The following GABRG3 variants were observed in gnomAD, a reference collection of about 807,000 sequenced individuals.
GABRG3 encodes gamma-aminobutyric acid receptor subunit gamma-3.
GABRG3 carries 25 observed loss-of-function variants against 48.8 expected under a neutral mutation model. The ratio of observed to expected loss-of-function variants is 0.51; its 90% CI spans 0.37 to 0.72. The LOEUF is 0.72. GABRG3 is among the 30% of genes least tolerant of loss of function. The pLI is 0.00. For missense variants in GABRG3, 394 were observed against 577.9 expected (o/e 0.68, Z 3.26); for synonymous variants, 227 against 217.6 (o/e 1.04, Z -0.38).
At chr15:27,282,474 T>A (rs1891466257) in intron 3 of GABRG3, among the ~76,000 whole-genome samples, 1 of 152,204 alleles carries the variant, frequency 6.6e-6, no homozygotes, top group South Asian at 2.1e-4. Flanking sequence ...TTGCTTCCTC[T>A]CTCGCATCCA....
chr15:27,368,553 C>G (rs766616039), intron 5 of GABRG3, among the ~76,000 whole-genome samples: 9 of 152,146 alleles, frequency 5.9e-5, no homozygotes, highest in Non-Finnish European at 1.3e-4. Flanking sequence ...TGTCCCTGTC[C>G]TGGTCATTGT....
At chr15:27,063,360 T>C (rs1896683812) in intron 3 of GABRG3, among the ~76,000 whole-genome samples, 1 of 152,242 alleles carries the variant, frequency 6.6e-6, no homozygotes, top group African/African-American at 2.4e-5. Flanking sequence ...TCTGTTAAAA[T>C]GCGATCCTCA....
intron 5 of GABRG3, among the ~76,000 whole-genome samples, chr15:27,367,054 C>T (rs1392329895): frequency 6.6e-6 from 1 of 152,158 alleles, no homozygotes; most frequent in East Asian, 1.9e-4. Flanking sequence ...GTGTCCCTTC[C>T]ACCTATGAGG....
intron 3 of GABRG3, among the ~76,000 whole-genome samples, chr15:27,314,311 A>G (rs749277614): frequency 3.3e-5 from 5 of 152,178 alleles, no homozygotes; most frequent in Non-Finnish European, 7.4e-5. Flanking sequence ...ATATGAAAAG[A>G]TGTTCAATGT....
chr15:27,007,121 C>G (rs1412115584), intron 2 of GABRG3, among the ~76,000 whole-genome samples: 1 of 151,088 alleles, frequency 6.6e-6, no homozygotes, highest in Non-Finnish European at 1.5e-5. Context: ...GTTCTGTCAT[C>G]CTGGCTGGAG....
chr15:27,082,748 C>G (rs1193750971), intron 3 of GABRG3, among the ~76,000 whole-genome samples: 2 of 152,186 alleles, frequency 1.3e-5, no homozygotes. Context: ...CCACAGATGC[C>G]TTTTAAAGTC....
chr15:27,497,921 T>C (rs1890526836), intron 6 of GABRG3, among the ~76,000 whole-genome samples: 1 of 152,236 alleles, frequency 6.6e-6, no homozygotes, highest in South Asian at 2.1e-4. Flanking sequence ...AAGGTAATCA[T>C]CTGCAACAGG....
intron 6 of GABRG3, among the ~76,000 whole-genome samples, chr15:27,489,746 A>C (rs2150848593): frequency 6.6e-6 from 1 of 152,070 alleles, no homozygotes; most frequent in Non-Finnish European, 1.5e-5. Flanking sequence ...TGTAAATTTA[A>C]GTTCTTTGTA....
At chr15:27,312,883 A>G (rs1190681178) in intron 3 of GABRG3, among the ~76,000 whole-genome samples, 5 of 152,004 alleles carry the variant, frequency 3.3e-5, no homozygotes, top group African/African-American at 1.2e-4. Context: ...ACTAATTGTA[A>G]TAATGGTAGG....
intron 3 of GABRG3, among the ~76,000 whole-genome samples, chr15:27,248,993 C>T (rs551981312): frequency 1.3e-5 from 2 of 152,120 alleles, no homozygotes; most frequent in East Asian, 3.9e-4. Flanking sequence ...GGGCGGATGT[C>T]AAGCAAGGGA....
chr15:27,481,509 T>C (rs1890100661), intron 6 of GABRG3, among the ~76,000 whole-genome samples: 1 of 152,180 alleles, frequency 6.6e-6, no homozygotes, highest in Non-Finnish European at 1.5e-5. Context: ...TTTGTTAGTA[T>C]GAAGAATTTG....
intron 5 of GABRG3, among the ~76,000 whole-genome samples, chr15:27,393,355 A>AG (rs1887205256): frequency 3.3e-5 from 5 of 151,774 alleles, no homozygotes; most frequent in South Asian, 4.2e-4. Flanking sequence ...AAAAAAAAAA[A>AG]AAAAAAAGAA....
intron 5 of GABRG3, among the ~76,000 whole-genome samples, chr15:27,336,499 A>C (rs1893982080): frequency 6.6e-6 from 1 of 152,220 alleles, no homozygotes. Flanking sequence ...ACCTATTAGA[A>C]TGGCTAAAAT....
At chr15:27,102,245 C>T (rs147483097) in intron 3 of GABRG3, among the ~76,000 whole-genome samples, 21 of 152,102 alleles carry the variant, frequency 1.4e-4, no homozygotes, top group African/African-American at 4.8e-4. Context: ...ACATAAAATT[C>T]TGAAAATTGC....
At chr15:27,466,806 C>T (rs746147353) in intron 5 of GABRG3, among the ~76,000 whole-genome samples, 1 of 152,178 alleles carries the variant, frequency 6.6e-6, no homozygotes, top group African/African-American at 2.4e-5. Context: ...CTCTCCAAGC[C>T]TCCCCACCAC....
At chr15:27,056,649 C>T (rs1042078814) in intron 3 of GABRG3, among the ~76,000 whole-genome samples, 5 of 152,116 alleles carry the variant, frequency 3.3e-5, no homozygotes. Flanking sequence ...GTTGGTGCTC[C>T]AAGCTCAGAC....
intron 6 of GABRG3, among the ~76,000 whole-genome samples, chr15:27,512,082 A>G (rs1890909248): frequency 6.6e-6 from 1 of 152,148 alleles, no homozygotes; most frequent in African/African-American, 2.4e-5. Flanking sequence ...ATTAATCTCA[A>G]TGAGATAGAA....
intron 3 of GABRG3, among the ~76,000 whole-genome samples, chr15:27,227,724 A>G (rs1260758854): frequency 1.3e-5 from 2 of 151,370 alleles, no homozygotes; most frequent in Admixed American, 6.6e-5. Context: ...ATTTTTTTTT[A>G]TCTACAAAAT....
At chr15:27,089,615 C>T (rs891007409) in intron 3 of GABRG3, among the ~76,000 whole-genome samples, 4 of 152,090 alleles carry the variant, frequency 2.6e-5, no homozygotes, top group East Asian at 1.9e-4. Context: ...TCAGGGTAGG[C>T]GGGGGAGAGA....
Sources: gnomAD v4.1 joint callset for allele counts (sites outside exome capture counted in the v4.1 genomes callset) on GRCh38, gnomAD v4.1.1 for gene constraint, MANE v1.5 for transcripts, NCBI Gene and HGNC (gene_info 2026-07-23, HGNC 2026-07-21) for gene names.